CLDN15: variants seen among roughly 807,000 people sequenced by gnomAD.
The protein encoded by CLDN15 is claudin-15.
Under a neutral mutation model 24.5 loss-of-function variants are expected in CLDN15, and 9 were observed. That is an observed-to-expected ratio of 0.37 (90% confidence interval 0.22 to 0.64). The LOEUF (loss-of-function observed/expected upper bound fraction) is 0.64. Among genes scored for constraint, CLDN15 ranks in the 30% least tolerant of loss-of-function variants. The pLI is 0.63. For synonymous variants in CLDN15, 149 were observed against 131.4 expected (o/e 1.13, Z -0.92); for missense variants, 248 against 305.9 (o/e 0.81, Z 1.41).
chr7:101,237,487 G>C lies in CLDN15; in HGVS notation c.95C>G (p.Ser32Cys). ...VTLPNSYWRVSTVHGNVITTN... is the reference protein window; with the variant it reads ...VTLPNSYWRVCTVHGNVITTN... The stretch of plus-strand genomic sequence containing the variant: ...GGTGATGACGTTCCCGTGCACAGTG[G>C]ACACTCGCCAGTAGCTGTTTGGCAG... Residue 32 changes from serine to cysteine, a missense_variant, in exon 1 of 5, where the codon TCC becomes TGC. By Grantham distance (112) the Ser-to-Cys change is moderately radical. Transcript: ENST00000308344. The surrounding 1 kb of genome is among the most constrained non-coding windows in gnomAD (Gnocchi z 4.0). 2.5e-6 allele frequency: 4 copies of C among 1,614,044 alleles called. No individual in the cohort carries two copies. Among genetic ancestry groups the C allele is most frequent in the Non-Finnish European group, 3.4e-6 (4 of 1,179,920 alleles).
rs1272885657 is a variant in CLDN15 at position 101,237,576 on chromosome 7, C to G, written c.6G>C (p.Ser2=). The G allele has an allele frequency of 5.0e-6, 8 of 1,613,594 alleles. No individual in the cohort carries two copies. In the Admixed American group the frequency reaches 1.3e-4, roughly 27 times the overall value. The change falls in exon 1 of 5, where the codon TCG becomes TCC. Residue 2 remains serine (S), a synonymous_variant. Transcript: ENST00000308344. This position sits in a 1 kb window ranked among gnomAD's most constrained non-coding sequence, Gnocchi z 4.0. ...AGAAGCCAAAGGTTTCCACAGCCAT[C>G]GACATGGTGGGATGCAGGACCCTGG... The part of the protein sequence containing the change: M[S]MAVETFGFFM...
At position 101,237,777 on chromosome 7, in the gene CLDN15, T is replaced by C; in HGVS notation, c.-196A>G. 1 of 605,012 alleles carries C rather than the reference T, an allele frequency of 1.7e-6. No homozygotes were observed. The highest frequency in any genetic ancestry group is 3.0e-6 in the Non-Finnish European group (1 of 338,892). The allele number at this position is 605,012 out of a possible 1,614,324, so 37.5% of individuals were successfully genotyped here. A position where few individuals can be genotyped will look rare whatever the true frequency, so the allele number is the denominator to read the frequency against. ...GCCTCCCTCCTGCTCTGTGGGTCTC[T>C]CTGCTTCCTGGCAGGTCAGAGGAAT... is the stretch of plus-strand genomic sequence containing the variant. On this transcript the variant is annotated 5_prime_UTR_variant, in exon 1 of 5. Transcript: ENST00000308344. This position sits in a 1 kb window ranked among gnomAD's most constrained non-coding sequence, Gnocchi z 4.0.
At chr7:101,236,628 C>T (rs112928619) in intron 1 of CLDN15, 32 of 706,146 alleles carry the variant, frequency 4.5e-5, no homozygotes, top group South Asian at 1.0e-4. Context: ...CTCATCTTAG[C>T]GGGGAGCAGG....
chr7:101,234,667 T>G (rs1192146709), intron 1 of CLDN15, among the ~76,000 whole-genome samples: 8 of 151,892 alleles, frequency 5.3e-5, no homozygotes, highest in Non-Finnish European at 1.2e-4. Context: ...CCCCAAATGA[T>G]CTGCTTGCCT....
At position 101,234,489 on chromosome 7, in the gene CLDN15, C is replaced by A. The variant is rs781741540; in HGVS notation, c.218-47G>T. 3 of 1,427,668 alleles carry A rather than the reference C, an allele frequency of 2.1e-6. No homozygotes were observed. The Admixed American group carries it at 5.1e-5, about 24-fold the overall frequency. 88.4% of individuals were successfully genotyped at this position (1,427,668 alleles called of 1,614,324 possible). A position where few individuals can be genotyped will look rare whatever the true frequency, so the allele number is the denominator to read the frequency against. On this transcript the variant is annotated intron_variant, in intron 1 of 4. Coordinates refer to ENST00000308344, the MANE Select transcript of CLDN15 (RefSeq NM_014343.3). ...AGCCTTTCCCATCTCCCCTCTGCGA[C>A]GGAGCCAGCCCAACAGCCCCTCACC...
Position 101,232,818 on chromosome 7 carries a change from G to A in CLDN15, c.464+15C>T. 1.9e-6 allele frequency: 3 copies of A among 1,605,454 alleles called. No individual in the cohort carries two copies. The highest frequency in any genetic ancestry group is 1.1e-5 in the South Asian group (1 of 90,894). ...GCTGCCCCGAGGGCGGGGGGTGGGGGGTTTCCTCACTCACTTGGTTCCGGG... is the reference window on the plus strand; with the variant it reads ...GCTGCCCCGAGGGCGGGGGGTGGGGAGTTTCCTCACTCACTTGGTTCCGGG... On this transcript the variant is annotated intron_variant, in intron 3 of 4. Coordinates refer to ENST00000308344, the MANE Select transcript of CLDN15 (RefSeq NM_014343.3).
At chr7:101,237,914 C>T (rs773263425), upstream of CLDN15, 1 of 364,144 alleles carries the variant, frequency 2.7e-6, no homozygotes, top group Non-Finnish European at 5.3e-6. The surrounding 1 kb of genome is among the most constrained non-coding windows in gnomAD (Gnocchi z 4.0). Flanking sequence ...CCCCGCCCCA[C>T]GAGGGTGGGG....
At chr7:101,234,046 A>C in intron 2 of CLDN15, 1 of 693,206 alleles carries the variant, frequency 1.4e-6, no homozygotes, top group Non-Finnish European at 2.6e-6. Context: ...TCCCTCCCAC[A>C]CCTGGCCGTG....
chr7:101,232,479 C>T lies in CLDN15; in HGVS notation c.618G>A (p.Met206Ile), dbSNP rs143443191. The T allele has an allele frequency of 3.7e-5, 60 of 1,613,370 alleles. No homozygotes were observed. Among genetic ancestry groups the T allele is most frequent in the Non-Finnish European group, 5.1e-5 (60 of 1,179,630 alleles). Residue 206 changes from methionine to isoleucine, a missense_variant, in exon 5 of 5, where the codon ATG (methionine) becomes ATA (isoleucine). Met to Ile is a conservative substitution (Grantham distance 10). Transcript: ENST00000308344. The stretch of plus-strand genomic sequence containing the variant: ...CTTCTTGGTCCGAGGTGGCGACGGG[C>T]ATCACGGACACTGGAGCCTGGTAGG... ...RRPYQAPVSVMPVATSDQEGD... is the reference protein window; with the variant it reads ...RRPYQAPVSVIPVATSDQEGD...
chr7:101,232,792 C>T lies in CLDN15; in HGVS notation c.464+41G>A, dbSNP rs201110031. On this transcript the variant is annotated intron_variant, in intron 3 of 4. Transcript: ENST00000308344. ...CCGGGGGGCAGGGCTGAGTCCCACC[C>T]GCTGCCCCGAGGGCGGGGGGTGGGG... The T allele has an allele frequency of 4.2e-4, 672 of 1,589,710 alleles. 2 individuals carry two copies. In the African/African-American group the frequency reaches 7.7e-3, roughly 18 times the overall value.
chr7:101,233,995 T>C (rs960923617), intron 2 of CLDN15: 24 of 618,956 alleles, frequency 3.9e-5, no homozygotes. Context: ...CCAGCTAGGA[T>C]GTAAGCTCCC....
At chr7:101,233,247 G>C (rs1408209237) in intron 2 of CLDN15, among the ~76,000 whole-genome samples, 1 of 151,950 alleles carries the variant, frequency 6.6e-6, no homozygotes, top group Non-Finnish European at 1.5e-5. Flanking sequence ...TCCTCACCCA[G>C]ATGGAGCCCC....
At chr7:101,237,858 G>T (rs1418791182), upstream of CLDN15, 1 of 471,158 alleles carries the variant, frequency 2.1e-6, no homozygotes, top group African/African-American at 2.0e-5. The surrounding 1 kb of genome is among the most constrained non-coding windows in gnomAD (Gnocchi z 4.0). Context: ...ACCGAAACGG[G>T]CCAAAAGTCC....
chr7:101,233,945 C>CTG (rs1798571304), intron 2 of CLDN15: 3 of 471,802 alleles, frequency 6.4e-6, no homozygotes, highest in Admixed American at 5.0e-5. Context: ...TGGACGTGCA[C>CTG]TGTGTGTGTG....
At chr7:101,235,338 T>C (rs1422200698) in intron 1 of CLDN15, among the ~76,000 whole-genome samples, 1 of 152,118 alleles carries the variant, frequency 6.6e-6, no homozygotes, top group Non-Finnish European at 1.5e-5. Flanking sequence ...CTCATCACTG[T>C]AGCCTTGATT....
chr7:101,237,923 G>T (rs547566377), upstream of CLDN15: 5 of 361,800 alleles, frequency 1.4e-5, no homozygotes, highest in African/African-American at 6.3e-5. The surrounding 1 kb of genome is among the most constrained non-coding windows in gnomAD (Gnocchi z 4.0). Context: ...ACGAGGGTGG[G>T]GGGGGCAGAC....
At chr7:101,236,537 C>T (rs1212635593) in intron 1 of CLDN15, among the ~76,000 whole-genome samples, 2 of 152,238 alleles carry the variant, frequency 1.3e-5, no homozygotes, top group Non-Finnish European at 2.9e-5. Flanking sequence ...CGGCACCACA[C>T]ACAGTTCACG....
rs540209763 is a variant in CLDN15, at chr7:101,233,076, C to T, written c.383-162G>A. 2.6e-5 allele frequency among the ~76,000 whole-genome samples: 4 copies of T among 152,174 alleles called. No individual in the cohort carries two copies. In the East Asian group the frequency reaches 7.7e-4, roughly 29 times the overall value. On this transcript the variant is annotated intron_variant, in intron 2 of 4. Transcript: ENST00000308344. The stretch of plus-strand genomic sequence containing the variant: ...CTTTCTCCCCACCCCAGTTTATAAG[C>T]CTTCCTCCTTCCTGGGGTCAACTTC...
chr7:101,232,697 T>A lies in CLDN15; in HGVS notation c.488A>T (p.Tyr163Phe). Residue 163 changes from tyrosine to phenylalanine, a missense_variant, in exon 4 of 5, where the codon TAC (tyrosine) becomes TTC (phenylalanine). Physicochemically the swap from Tyr to Phe is conservative, Grantham distance 22. Coordinates refer to ENST00000308344, the MANE Select transcript of CLDN15 (RefSeq NM_014343.3). ...GTKYELGPALYLGWSASLISI... is the reference protein window; with the variant it reads ...GTKYELGPALFLGWSASLISI... ...GATCAGTGAGGCGCTCCACCCCAGG[T>A]AGAGGGCGGGGCCCAGCTCGTACCT... 6.3e-7 allele frequency: 1 copy of A among 1,594,044 alleles called. No individual in the cohort carries two copies. Among genetic ancestry groups the A allele is most frequent in the Non-Finnish European group, 8.5e-7 (1 of 1,170,954 alleles).
Sources: allele counts gnomAD v4.1 joint callset (sites outside exome capture counted in the v4.1 genomes callset), GRCh38; gene constraint gnomAD v4.1.1; non-coding constraint Gnocchi (gnomAD v3.1); transcripts MANE v1.5; gene names NCBI Gene and HGNC (gene_info 2026-07-23, HGNC 2026-07-21).